Variants in SLAMF1 observed in about 807,000 individuals in gnomAD.
SLAMF1 encodes the protein signaling lymphocytic activation molecule.
A neutral mutation model predicts 35.1 loss-of-function variants in SLAMF1; 18 were observed. The observed-to-expected ratio is 0.51, with a 90% CI of 0.35 to 0.76. The LOEUF is 0.76. Ranked by LOEUF, SLAMF1 falls within the 30% of genes least tolerant of loss-of-function variation. The pLI, the probability that SLAMF1 is intolerant of heterozygous loss-of-function variation, is 0.01. For missense variants in SLAMF1, 392 were observed against 413.0 expected (o/e 0.95, Z 0.44); for synonymous variants, 168 against 157.2 (o/e 1.07, Z -0.51).
chr1:160,646,812 T>A, intron 1 of SLAMF1, 58 bp downstream of exon 1: 1 of 934,096 alleles, frequency 1.1e-6, no homozygotes, highest in Admixed American at 1.8e-5. Flanking sequence ...TCCACGAAGA[T>A]ACGCTGATTC....
At chr1:160,643,380 T>C (rs763647946) in intron 1 of SLAMF1, among the ~76,000 whole-genome samples, 5 of 152,140 alleles carry the variant, frequency 3.3e-5, no homozygotes, top group Non-Finnish European at 7.4e-5. Flanking sequence ...AGATAGTGAC[T>C]CCAGGCTTCA....
At chr1:160,628,290 A>G (rs1659989043) in intron 3 of SLAMF1, among the ~76,000 whole-genome samples, 1 of 152,202 alleles carries the variant, frequency 6.6e-6, no homozygotes, top group African/African-American at 2.4e-5. Context: ...ATTGTGAACC[A>G]GGCAGCTTTC....
chr1:160,643,775 A>G (rs1312912269), intron 1 of SLAMF1, among the ~76,000 whole-genome samples: 1 of 152,206 alleles, frequency 6.6e-6, no homozygotes, highest in Non-Finnish European at 1.5e-5. Context: ...CATTTGAATT[A>G]TTCTCTTCCA....
intron 6 of SLAMF1, among the ~76,000 whole-genome samples, chr1:160,611,310 A>C (rs1658973106): frequency 6.6e-6 from 1 of 152,236 alleles, no homozygotes; most frequent in Non-Finnish European, 1.5e-5. Context: ...TTTGCCATAA[A>C]ATGTTAACTA....
At chr1:160,638,666 C>G (rs1244918914) in intron 1 of SLAMF1, among the ~76,000 whole-genome samples, 2 of 152,186 alleles carry the variant, frequency 1.3e-5, no homozygotes, top group African/African-American at 4.8e-5. Context: ...CTTGGACCCA[C>G]TATAAACAGG....
intron 1 of SLAMF1, among the ~76,000 whole-genome samples, chr1:160,644,181 C>T (rs892005753): frequency 6.6e-6 from 1 of 152,160 alleles, no homozygotes; most frequent in Non-Finnish European, 1.5e-5. Context: ...CAATTCAACT[C>T]ATATTTTTCA....
chr1:160,619,384 T>G (rs1044252328), intron 5 of SLAMF1, among the ~76,000 whole-genome samples: 1 of 152,206 alleles, frequency 6.6e-6, no homozygotes, highest in Non-Finnish European at 1.5e-5. Flanking sequence ...TAGTAAATCC[T>G]AAACTTGGAT....
At position 160,646,859 on chromosome 1, in the gene SLAMF1, T is replaced by G; in HGVS notation, c.76+11A>C. On this transcript the variant is annotated intron_variant, in intron 1 of 6. Transcript: ENST00000302035. Reference sequence around the variant, plus strand: ...CATGGGACTCAAACCATCAGGCAGATGAACACTCACCTGTTCCGTAGCTTG... The same window carrying G: ...CATGGGACTCAAACCATCAGGCAGAGGAACACTCACCTGTTCCGTAGCTTG... 1 of 1,529,246 alleles carries G rather than the reference T, an allele frequency of 6.5e-7. No individual in the cohort carries two copies. Among genetic ancestry groups the G allele is most frequent in the Non-Finnish European group, 9.1e-7 (1 of 1,103,222 alleles). The allele number at this position is 1,529,246 out of a possible 1,614,324, so 94.7% of individuals were successfully genotyped here.
At chr1:160,630,531 A>G (rs1570992778) in intron 3 of SLAMF1, among the ~76,000 whole-genome samples, 1 of 152,284 alleles carries the variant, frequency 6.6e-6, no homozygotes, top group East Asian at 1.9e-4. Context: ...ATGGCAAAGC[A>G]ACCTCTAATA....
intron 5 of SLAMF1, among the ~76,000 whole-genome samples, chr1:160,613,963 T>C (rs1455800727): frequency 6.6e-6 from 1 of 152,274 alleles, no homozygotes; most frequent in East Asian, 1.9e-4. Flanking sequence ...TGACTTTTAT[T>C]ATGCATATGA....
chr1:160,635,139 T>G (rs945078128), intron 2 of SLAMF1, among the ~76,000 whole-genome samples: 3 of 152,332 alleles, frequency 2.0e-5, no homozygotes, highest in Non-Finnish European at 4.4e-5. Flanking sequence ...CTACCAATAT[T>G]GTTAGGGCTC....
chr1:160,625,614 G>A (rs1244086291), intron 3 of SLAMF1, among the ~76,000 whole-genome samples: 1 of 152,094 alleles, frequency 6.6e-6, no homozygotes, highest in African/African-American at 2.4e-5. Context: ...AAACACCTTG[G>A]TTATAGGTTC....
intron 1 of SLAMF1, among the ~76,000 whole-genome samples, chr1:160,638,395 G>C (rs761679793): frequency 1.3e-5 from 2 of 152,098 alleles, no homozygotes; most frequent in Admixed American, 6.5e-5. Flanking sequence ...CACTTAAGTC[G>C]AGCCTCTTCC....
rs1660776780 is a variant in SLAMF1 at position 160,642,015 on chromosome 1, C to G, written c.77-4486G>C. ...AAGATGGGCTTCTACCTAATGATAA[C>G]TCTTTTTGTTTTATTGTATTATATT... On this transcript the variant is annotated intron_variant, in intron 1 of 6. Coordinates refer to ENST00000302035, the MANE Select transcript of SLAMF1 (RefSeq NM_003037.5). This position sits in a 1 kb window ranked among gnomAD's most constrained non-coding sequence, Gnocchi z 4.2. 6.6e-6 allele frequency among the ~76,000 whole-genome samples: 1 copy of G among 152,102 alleles called. No homozygotes were observed. The highest frequency in any genetic ancestry group is 2.1e-4 in the South Asian group (1 of 4,824).
At chr1:160,613,473 A>G (rs1659112217) in intron 5 of SLAMF1, among the ~76,000 whole-genome samples, 1 of 152,242 alleles carries the variant, frequency 6.6e-6, no homozygotes, top group African/African-American at 2.4e-5. Flanking sequence ...CTGGACAAAG[A>G]CCTCAAAATA....
chr1:160,625,909 G>A (rs980334089), intron 3 of SLAMF1, among the ~76,000 whole-genome samples: 4 of 151,702 alleles, frequency 2.6e-5, no homozygotes, highest in Non-Finnish European at 4.4e-5. Context: ...TTATGATATC[G>A]ACACTAGGAA....
chr1:160,614,415 A>C (rs531741713), intron 5 of SLAMF1, among the ~76,000 whole-genome samples: 1 of 152,032 alleles, frequency 6.6e-6, no homozygotes, highest in Non-Finnish European at 1.5e-5. Flanking sequence ...CTCTACTAAA[A>C]ATACAAAAAT....
rs1292016981 is a variant in SLAMF1, at chr1:160,610,190, A to T, written c.*558T>A. On this transcript the variant is annotated 3_prime_UTR_variant, in exon 7 of 7. Transcript: ENST00000302035. The stretch of plus-strand genomic sequence containing the variant: ...TTAGCTTCCTTTATACAATAATATC[A>T]GAGTGTTTTATGTATAATAAGAAAT... The T allele has an allele frequency of 9.9e-6, 4 of 404,114 alleles. No individual in the cohort carries two copies. The highest frequency in any genetic ancestry group is 2.1e-5 in the African/African-American group (1 of 47,488). The allele number at this position is 404,114 out of a possible 1,614,324, so 25.0% of individuals were successfully genotyped here. A position where few individuals can be genotyped will look rare whatever the true frequency, so the allele number is the denominator to read the frequency against.
chr1:160,609,671 C>T lies in SLAMF1; in HGVS notation c.*1077G>A, dbSNP rs899982688. ...TTAAAAAGTCTCTTTCTGCCTGCAGCTTGCAAAATAAGTTATTGAGCATTC... is the reference window on the plus strand; with the variant it reads ...TTAAAAAGTCTCTTTCTGCCTGCAGTTTGCAAAATAAGTTATTGAGCATTC... On this transcript the variant is annotated 3_prime_UTR_variant, in exon 7 of 7. Transcript: ENST00000302035. 3.3e-5 allele frequency: 5 copies of T among 152,202 alleles called. No homozygotes were observed. The highest frequency in any genetic ancestry group is 1.2e-4 in the African/African-American group (5 of 41,446). The allele number at this position is 152,202 out of a possible 1,614,324, so 9.4% of individuals were successfully genotyped here.
Sources: allele counts gnomAD v4.1 joint callset (sites outside exome capture counted in the v4.1 genomes callset), GRCh38; gene constraint gnomAD v4.1.1; non-coding constraint Gnocchi (gnomAD v3.1); transcripts MANE v1.5; gene names NCBI Gene and HGNC (gene_info 2026-07-23, HGNC 2026-07-21).